ZNF154: variants seen among roughly 807,000 people sequenced by gnomAD.
The protein encoded by ZNF154 is zinc finger protein 154.
Under a neutral mutation model 7.5 loss-of-function variants are expected in ZNF154, and 6 were observed. The ratio of observed to expected loss-of-function variants is 0.80; its 90% CI spans 0.44 to 1.57. The LOEUF is 1.57. ZNF154 is among the 40% of genes most tolerant of loss of function. ZNF154 has a pLI of 0.01. For missense variants in ZNF154, 485 were observed against 531.4 expected (o/e 0.91, Z 0.86); for synonymous variants, 187 against 185.9 (o/e 1.01, Z -0.05).
Position 57,696,395 on chromosome 19 carries a change from C to T in ZNF154, c.*5240G>A, listed in dbSNP as rs550172558. Among the ~76,000 whole-genome samples the T allele has an allele frequency of 5.3e-5, 8 of 152,266 alleles. No individual in the cohort carries two copies. The highest frequency in any genetic ancestry group is 2.1e-4 in the South Asian group (1 of 4,824). ...CTCACTAGGTGCTGGGGATAGTGCT[C>T]GGCCCTGCTTACCACCTGCCTACCA... is the stretch of plus-strand genomic sequence containing the variant. On this transcript the variant is annotated 3_prime_UTR_variant, in exon 3 of 3. Coordinates refer to ENST00000684351, the MANE Select transcript of ZNF154 (RefSeq NM_001085384.3).
chr19:57,702,120 C>T lies in ZNF154; in HGVS notation c.829G>A (p.Glu277Lys). Residue 277 changes from glutamate (E) to lysine (K), a missense_variant, in exon 3 of 3, where the codon GAA becomes AAA. Physicochemically the swap from Glu to Lys is moderately conservative, Grantham distance 56. Transcript: ENST00000684351. ...HTGERPYECS[E>K]CGKFFTYHSS... ...TGATATGTAAAAAACTTCCCACATT[C>T]ACTGCACTCATAAGGCCTCTCCCCA... is the stretch of plus-strand genomic sequence containing the variant. 6.2e-7 allele frequency: 1 copy of T among 1,613,444 alleles called. No individual in the cohort carries two copies. Among genetic ancestry groups the T allele is most frequent in the Non-Finnish European group, 8.5e-7 (1 of 1,179,928 alleles).
chr19:57,707,401 T>A (rs1211937452), intron 1 of ZNF154, among the ~76,000 whole-genome samples: 1 of 152,220 alleles, frequency 6.6e-6, no homozygotes. Flanking sequence ...GAATCCTGTT[T>A]CACTCCCTCG....
rs900463141 is a variant in ZNF154, at chr19:57,698,104, C to G, written c.*3531G>C. The G allele has an allele frequency of 6.6e-6, 1 of 152,050 alleles. No homozygotes were observed. The highest frequency in any genetic ancestry group is 1.5e-5 in the Non-Finnish European group (1 of 68,008). 9.4% of individuals were successfully genotyped at this position (152,050 alleles called of 1,614,324 possible). On this transcript the variant is annotated 3_prime_UTR_variant, in exon 3 of 3. Transcript: ENST00000684351. The stretch of plus-strand genomic sequence containing the variant: ...ACTGGTATATCCACAGAACATCATA[C>G]TTCTCAGCAATACAAAAAAAAGAAA...
Position 57,696,662 on chromosome 19 carries a change from G to A in ZNF154, c.*4973C>T, listed in dbSNP as rs1984907845. 6.6e-6 allele frequency among the ~76,000 whole-genome samples: 1 copy of A among 152,190 alleles called. No homozygotes were observed. Among genetic ancestry groups the A allele is most frequent in the Non-Finnish European group, 1.5e-5 (1 of 68,028 alleles). On this transcript the variant is annotated 3_prime_UTR_variant, in exon 3 of 3. Transcript: ENST00000684351. ...AGGCCAGAGCATGAAGGCAGAGGGA[G>A]GTTTTGGGTGCAGCCTCCAAGTAGG...
chr19:57,696,590 C>T lies in ZNF154; in HGVS notation c.*5045G>A, dbSNP rs571377351. Among the ~76,000 whole-genome samples, 7 of 152,194 alleles carry T rather than the reference C, an allele frequency of 4.6e-5. No individual in the cohort carries two copies. The South Asian group carries it at 8.3e-4, about 18-fold the overall frequency. ...CAGAGGGCCTGGGGCAGCCAGGCAC[C>T]GGAAGTGCTGCAAGCACCAAGACCC... On this transcript the variant is annotated 3_prime_UTR_variant, in exon 3 of 3. Transcript: ENST00000684351.
intron 2 of ZNF154, among the ~76,000 whole-genome samples, chr19:57,703,520 T>G (rs1387357183): frequency 7.1e-6 from 1 of 140,754 alleles, no homozygotes; most frequent in Non-Finnish European, 1.5e-5. Context: ...ATTACAGGAA[T>G]GTGGGAGATC....
chr19:57,705,390 C>A (rs1044788877), intron 1 of ZNF154, among the ~76,000 whole-genome samples: 1 of 152,150 alleles, frequency 6.6e-6, no homozygotes, highest in Non-Finnish European at 1.5e-5. Flanking sequence ...TCCTCTTTAC[C>A]CCATTAGCGA....
Position 57,697,216 on chromosome 19 carries a change from G to A in ZNF154, c.*4419C>T, listed in dbSNP as rs899736292. The stretch of plus-strand genomic sequence containing the variant: ...AAAAGCGTTTTCTGTCTCTACCTTC[G>A]TGGAGAGGATTTCTGGGTTGGGAGA... On this transcript the variant is annotated 3_prime_UTR_variant, in exon 3 of 3. Coordinates refer to ENST00000684351, the MANE Select transcript of ZNF154 (RefSeq NM_001085384.3). Among the ~76,000 whole-genome samples, 2 of 152,132 alleles carry A rather than the reference G, an allele frequency of 1.3e-5. No individual in the cohort carries two copies. The highest frequency in any genetic ancestry group is 2.9e-5 in the Non-Finnish European group (2 of 68,024).
rs1298749439 is a variant in ZNF154, at chr19:57,698,135, CAT to C, written c.*3498_*3499del. On this transcript the variant is annotated 3_prime_UTR_variant, in exon 3 of 3. Coordinates refer to ENST00000684351, the MANE Select transcript of ZNF154 (RefSeq NM_001085384.3). ...AGCAATACAAAAAAAAGAAACTACT[CAT>C]AGAGGTATAATGATGAATCTCAAAA... 6.6e-6 allele frequency: 1 copy of C among 152,020 alleles called. No individual in the cohort carries two copies. Among genetic ancestry groups the C allele is most frequent in the African/African-American group, 2.4e-5 (1 of 41,402 alleles). 9.4% of individuals were successfully genotyped at this position (152,020 alleles called of 1,614,324 possible).
At chr19:57,704,476 T>C (rs1338515790) in intron 2 of ZNF154, among the ~76,000 whole-genome samples, 1 of 152,100 alleles carries the variant, frequency 6.6e-6, no homozygotes, top group Admixed American at 6.5e-5. Context: ...TCAGTGACAA[T>C]AACTCCTGGC....
At chr19:57,704,769 C>A in intron 2 of ZNF154, 84 bp downstream of exon 2, 4 of 1,524,948 alleles carry the variant, frequency 2.6e-6, no homozygotes, top group South Asian at 2.6e-5. Context: ...ATAGTCTTGT[C>A]ATGAGAAGGA....
rs1465666327 is a variant in ZNF154, at chr19:57,701,780, C to T, written c.1169G>A (p.Cys390Tyr). The change falls in exon 3 of 3, where the codon TGT becomes TAT. Residue 390 changes from cysteine to tyrosine, a missense_variant. By Grantham distance (194) the Cys-to-Tyr change is radical. Transcript: ENST00000684351. ...TGSRPYECSE[C>Y]GKSFTQNSGL... The stretch of plus-strand genomic sequence containing the variant: ...GGAATTTTGAGTAAAGGATTTCCCA[C>T]ATTCACTGCACTCATAGGGTCTTGA... 6.2e-7 allele frequency: 1 copy of T among 1,614,056 alleles called. No individual in the cohort carries two copies. The highest frequency in any genetic ancestry group is 1.3e-5 in the African/African-American group (1 of 74,906).
In ZNF154 at chr19:57,701,639, C is replaced by G. The variant is rs142884205; in HGVS notation, c.1310G>C (p.Arg437Pro). 6.2e-7 allele frequency: 1 copy of G among 1,609,748 alleles called. No homozygotes were observed. Among genetic ancestry groups the G allele is most frequent in the Non-Finnish European group, 8.5e-7 (1 of 1,176,566 alleles). The change falls in exon 3 of 3, where the codon CGA becomes CCA. Residue 437 changes from arginine to proline, a missense_variant. Physicochemically the swap from Arg to Pro is moderately radical, Grantham distance 103. Transcript: ENST00000684351. ...SLIKHQRIHSR is the reference protein window; with the variant it reads ...SLIKHQRIHSP ...CATTTGCCACTCATAAGGCTTTTAT[C>G]GACTATGAATTCTCTGATGTTTAAT...
rs2074078 is a variant in ZNF154, at chr19:57,702,584, C to A, written c.365G>T (p.Gly122Val). 206,380 of 1,614,050 alleles carry A rather than the reference C, an allele frequency of 0.13. 16,397 individuals carry two copies. The highest frequency in any genetic ancestry group is 0.43 in the East Asian group (19,226 of 44,864). The change falls in exon 3 of 3, where the codon GGT becomes GTT. Residue 122 changes from glycine to valine, a missense_variant. By Grantham distance (109) the Gly-to-Val change is moderately radical. Coordinates refer to ENST00000684351, the MANE Select transcript of ZNF154 (RefSeq NM_001085384.3). ...TGEQSNSKSD[G>V]GAISHRGKTH... ...TTTTCCTCTGTGACTGATGGCCCCA[C>A]CGTCGCTTTTGCTATTTGATTGCTC...
Position 57,708,951 on chromosome 19 carries a change from C to T in ZNF154, c.21G>A (p.Arg7=). ...ACGCCGCACTCACCTGAGTTGGCGT[C>T]CTCAGAGTGGCCGCTGCCATCAGAC... The part of the protein sequence containing the change: MAAATL[R]TPTQGTVTFE... Residue 7 remains arginine (R), a synonymous_variant, in exon 1 of 3, where the codon AGG becomes AGA. Transcript: ENST00000684351. 1 of 1,561,250 alleles carries T rather than the reference C, an allele frequency of 6.4e-7. No homozygotes were observed. The highest frequency in any genetic ancestry group is 1.8e-4 in the Middle Eastern group (1 of 5,504).
rs1985120440 is a variant in ZNF154, at chr19:57,701,248, T to G, written c.*387A>C. The G allele has an allele frequency of 4.9e-6, 1 of 203,086 alleles. No homozygotes were observed. The highest frequency in any genetic ancestry group is 1.0e-5 in the Non-Finnish European group (1 of 99,214). 12.6% of individuals were successfully genotyped at this position (203,086 alleles called of 1,614,324 possible). On this transcript the variant is annotated 3_prime_UTR_variant, in exon 3 of 3. Coordinates refer to ENST00000684351, the MANE Select transcript of ZNF154 (RefSeq NM_001085384.3). ...CCAAGGTTCACTTACCTGAATACAC[T>G]GGGATGGGTGAGTGGTGCACACTGG...
intron 2 of ZNF154, 27 bp from the exon 3 acceptor site, chr19:57,702,815 C>T (rs1234471394): frequency 1.9e-6 from 3 of 1,576,186 alleles, no homozygotes. Flanking sequence ...TTATTTCCCA[C>T]ATGCCCCACC....
At chr19:57,702,851 G>A in intron 2 of ZNF154, 63 bp from the exon 3 acceptor site, 1 of 1,497,446 alleles carries the variant, frequency 6.7e-7, no homozygotes, top group South Asian at 1.3e-5. Flanking sequence ...CCTATGATGT[G>A]TCCCCTAGGG....
chr19:57,707,325 C>T (rs1985434362), intron 1 of ZNF154, among the ~76,000 whole-genome samples: 1 of 152,154 alleles, frequency 6.6e-6, no homozygotes, highest in Admixed American at 6.5e-5. Flanking sequence ...CTCCTGTTGT[C>T]TCCAGTGAAT....
Sources: gnomAD v4.1 joint callset for allele counts (sites outside exome capture counted in the v4.1 genomes callset) on GRCh38, gnomAD v4.1.1 for gene constraint, MANE v1.5 for transcripts, NCBI Gene and HGNC (gene_info 2026-07-23, HGNC 2026-07-21) for gene names.